CSMD1: variants seen among roughly 807,000 people sequenced by gnomAD.
The protein encoded by CSMD1 is CUB and sushi domain-containing protein 1.
In CSMD1, 213 loss-of-function variants were observed where a neutral mutation model predicts 417.5. The ratio of observed to expected loss-of-function variants is 0.51; its 90% CI spans 0.46 to 0.57. The LOEUF (loss-of-function observed/expected upper bound fraction) is 0.57, where lower values mean the gene tolerates loss of function less well. Among genes scored for constraint, CSMD1 ranks in the 20% least tolerant of loss-of-function variants. The pLI, the probability that CSMD1 is intolerant of heterozygous loss-of-function variation, is 0.00. For synonymous variants in CSMD1, 2,862 were observed against 1,736.8 expected, an observed-to-expected ratio of 1.65 and a Z score of -16.11; for missense variants, 6,923 against 4,529.7, an observed-to-expected ratio of 1.53 and a Z score of -15.17.
At chr8:3,816,236 G>A (rs1009779335) in intron 5 of CSMD1, among the ~76,000 whole-genome samples, 6 of 152,226 alleles carry the variant, frequency 3.9e-5, no homozygotes, top group East Asian at 1.9e-4. Flanking sequence ...TGTTATATTC[G>A]ATCCTGGTTA....
chr8:3,299,311 G>A (rs1037826065), intron 25 of CSMD1, among the ~76,000 whole-genome samples: 16 of 152,082 alleles, frequency 1.1e-4, no homozygotes, highest in Admixed American at 2.0e-4. Flanking sequence ...AATCAGCTGG[G>A]CATGGTGGCA....
At chr8:2,940,239 G>C (rs1177103721) in intron 69 of CSMD1, among the ~76,000 whole-genome samples, 1 of 152,150 alleles carries the variant, frequency 6.6e-6, no homozygotes, top group Non-Finnish European at 1.5e-5. Context: ...CTGAGCCCTG[G>C]GCTTCCTTGC....
At chr8:4,793,428 C>G (rs1797800402) in intron 1 of CSMD1, among the ~76,000 whole-genome samples, 1 of 151,910 alleles carries the variant, frequency 6.6e-6, no homozygotes, top group Non-Finnish European at 1.5e-5. Context: ...CCTCCTCCCC[C>G]AGCTCTTTAT....
At chr8:4,630,837 T>C (rs1366326996) in intron 2 of CSMD1, among the ~76,000 whole-genome samples, 3 of 152,158 alleles carry the variant, frequency 2.0e-5, no homozygotes, top group Non-Finnish European at 4.4e-5. Flanking sequence ...CTTCCACTGC[T>C]ACTTCCCTGG....
chr8:4,043,436 C>T (rs1201257383), intron 3 of CSMD1, among the ~76,000 whole-genome samples: 2 of 152,144 alleles, frequency 1.3e-5, no homozygotes, highest in Non-Finnish European at 2.9e-5. Flanking sequence ...CTGCAAGGTG[C>T]ACATCATGAT....
intron 33 of CSMD1, among the ~76,000 whole-genome samples, chr8:3,193,024 T>A (rs1215453321): frequency 6.6e-6 from 1 of 152,174 alleles, no homozygotes; most frequent in Admixed American, 6.5e-5. Context: ...TTTTTCTACT[T>A]ACACTGGATT....
intron 1 of CSMD1, among the ~76,000 whole-genome samples, chr8:4,767,381 C>T (rs1812534831): frequency 6.6e-6 from 1 of 152,004 alleles, no homozygotes; most frequent in Non-Finnish European, 1.5e-5. Flanking sequence ...AAACATAATC[C>T]CTTTCTTTTT....
chr8:3,637,374 C>A (rs947123239), intron 7 of CSMD1, among the ~76,000 whole-genome samples: 18 of 152,060 alleles, frequency 1.2e-4, no homozygotes, highest in African/African-American at 4.1e-4. Context: ...ACATAAAGAC[C>A]TGAATTCAAA....
intron 23 of CSMD1, among the ~76,000 whole-genome samples, chr8:3,334,152 GAA>G (rs1338636533): frequency 6.6e-6 from 1 of 152,128 alleles, no homozygotes; most frequent in Non-Finnish European, 1.5e-5. Context: ...GATGCCAGAA[GAA>G]AATGACATCA....
chr8:4,828,888 A>G (rs537414226), intron 1 of CSMD1, among the ~76,000 whole-genome samples: 2 of 152,210 alleles, frequency 1.3e-5, no homozygotes, highest in African/African-American at 2.4e-5. Context: ...TGCGTTCCAC[A>G]TCCTCGTCCC....
intron 5 of CSMD1, among the ~76,000 whole-genome samples, chr8:3,808,505 A>T (rs576830348): frequency 2.0e-5 from 3 of 152,294 alleles, no homozygotes; most frequent in South Asian, 2.1e-4. Flanking sequence ...ATGAAGAAAG[A>T]CTAAGAGCAT....
chr8:4,354,667 A>C (rs1025867307), intron 3 of CSMD1, among the ~76,000 whole-genome samples: 1 of 152,096 alleles, frequency 6.6e-6, no homozygotes, highest in African/African-American at 2.4e-5. Context: ...GCAGAATTTA[A>C]AATTTTTGTA....
At chr8:4,272,796 C>G (rs142886635) in intron 3 of CSMD1, among the ~76,000 whole-genome samples, 2 of 152,274 alleles carry the variant, frequency 1.3e-5, no homozygotes, top group South Asian at 4.1e-4. Flanking sequence ...ATGACCTTTA[C>G]TCTAACTCAC....
At position 3,622,078 on chromosome 8, in the gene CSMD1, G is replaced by T. The variant is rs183051705; in HGVS notation, c.1010-5281C>A. On this transcript the variant is annotated intron_variant, in intron 7 of 69. Transcript: ENST00000635120. Reference sequence around the variant, plus strand: ...CTACTACTTTTCTCTTCAAGCCCATGTTTTCACAGTCTGCACTATGTGCTG... The same window carrying T: ...CTACTACTTTTCTCTTCAAGCCCATTTTTTCACAGTCTGCACTATGTGCTG... Among the ~76,000 whole-genome samples, 18 of 151,896 alleles carry T rather than the reference G, an allele frequency of 1.2e-4. No homozygotes were observed. In the East Asian group the frequency reaches 3.5e-3, roughly 29 times the overall value.
Position 2,965,916 on chromosome 8 carries a change from T to A in CSMD1, c.9139A>T (p.Ile3047Phe). 6.2e-7 allele frequency: 1 copy of A among 1,609,872 alleles called. No individual in the cohort carries two copies. Among genetic ancestry groups the A allele is most frequent in the African/African-American group, 1.3e-5 (1 of 75,006 alleles). ...CGDPGTLANG[I>F]QFGTDFTFNK... The stretch of plus-strand genomic sequence containing the variant: ...AAGGTGAAGTCGGTCCCAAACTGGA[T>A]GCCATTTGCTAGTGTGCCTGGATCC... The change falls in exon 59 of 70, where the codon ATC (isoleucine) becomes TTC (phenylalanine). Residue 3047 changes from isoleucine to phenylalanine, a missense_variant. Transcript: ENST00000635120.
At chr8:4,303,768 G>C (rs1195074356) in intron 3 of CSMD1, among the ~76,000 whole-genome samples, 1 of 151,936 alleles carries the variant, frequency 6.6e-6, no homozygotes, top group Non-Finnish European at 1.5e-5. Context: ...CGATTCTCCT[G>C]CCTCAGCCTC....
At chr8:2,977,546 G>C (rs1025180975) in intron 55 of CSMD1, among the ~76,000 whole-genome samples, 6 of 152,126 alleles carry the variant, frequency 3.9e-5, no homozygotes, top group Admixed American at 1.3e-4. Context: ...ATTGTGAATA[G>C]TGCTGCAGTG....
At chr8:4,295,164 TC>T (rs1237784793) in intron 3 of CSMD1, among the ~76,000 whole-genome samples, 3 of 144,316 alleles carry the variant, frequency 2.1e-5, no homozygotes, top group Non-Finnish European at 4.5e-5. Context: ...GCACATATAA[TC>T]TTAAGATTAT....
rs182726761 is a variant in CSMD1 at position 3,970,052 on chromosome 8, A to G, written c.818+27851T>C. ...TTCCCTTCAGCATACTGAGCTACCA[A>G]ACTACTAAGTAGTCTATGTTAGGTG... On this transcript the variant is annotated intron_variant, in intron 5 of 69. Transcript: ENST00000635120. Among the ~76,000 whole-genome samples, 456 of 152,312 alleles carry G rather than the reference A, an allele frequency of 3.0e-3. 14 individuals are homozygous for G. Among genetic ancestry groups the G allele is most frequent in the Non-Finnish European group, 6.9e-4 (47 of 68,020 alleles).
Sources: allele counts gnomAD v4.1 joint callset (sites outside exome capture counted in the v4.1 genomes callset), GRCh38; gene constraint gnomAD v4.1.1; transcripts MANE v1.5; gene names NCBI Gene and HGNC (gene_info 2026-07-23, HGNC 2026-07-21).